The following CACNA1C variants were observed in gnomAD, a reference collection of about 807,000 sequenced individuals.
CACNA1C encodes the protein voltage-dependent L-type calcium channel subunit alpha-1C.
A neutral mutation model predicts 229.0 loss-of-function variants in CACNA1C; 30 were observed. That is an observed-to-expected ratio of 0.13 (90% CI 0.10 to 0.18). The LOEUF is 0.18. Among genes scored for constraint, CACNA1C ranks in the 10% least tolerant of loss-of-function variants. CACNA1C has a pLI of 1.00. For synonymous variants in CACNA1C, 1,114 were observed against 1,132.5 expected, an observed-to-expected ratio of 0.98 and a Z score of 0.33; for missense variants, 1,658 against 2,845.0, an observed-to-expected ratio of 0.58 and a Z score of 9.49.
intron 1 of CACNA1C, among the ~76,000 whole-genome samples, chr12:2,101,779 T>C (rs1221106867): frequency 1.4e-5 from 2 of 146,664 alleles, no homozygotes; most frequent in Non-Finnish European, 3.0e-5. Flanking sequence ...AGAAGGAGGC[T>C]GGGGCCACCG....
intron 9 of CACNA1C, among the ~76,000 whole-genome samples, chr12:2,533,178 C>T (rs767902798): frequency 6.6e-6 from 1 of 152,174 alleles, no homozygotes; most frequent in Non-Finnish European, 1.5e-5. Flanking sequence ...TCATCCCCGT[C>T]TGTTCTTTTT....
intron 3 of CACNA1C, chr12:2,288,884 G>A (rs2093098745): frequency 6.6e-6 from 1 of 152,134 alleles, no homozygotes; most frequent in Admixed American, 6.5e-5. Context: ...TAAATGGTGG[G>A]GCAACACATG....
At chr12:2,581,886 G>A (rs2060606905) in intron 14 of CACNA1C, 89 bp downstream of exon 14, 10 of 790,066 alleles carry the variant, frequency 1.3e-5, no homozygotes, top group Admixed American at 4.2e-5. Flanking sequence ...CCCTTTTACC[G>A]GGCAGCCACA....
intron 3 of CACNA1C, among the ~76,000 whole-genome samples, chr12:2,256,340 TAAAC>T (rs2154396675): frequency 1.3e-5 from 2 of 152,370 alleles, no homozygotes; most frequent in South Asian, 4.1e-4. Context: ...AAAAATGACT[TAAAC>T]ACATAATTGG....
Position 2,437,557 on chromosome 12 carries a change from A to C in CACNA1C, c.478-11419A>C, listed in dbSNP as rs115950142. On this transcript the variant is annotated intron_variant, in intron 3 of 46. Coordinates refer to ENST00000399655, the MANE Select transcript of CACNA1C (RefSeq NM_000719.7). The stretch of plus-strand genomic sequence containing the variant: ...ATATTGGAGATAGTTTTTACCCATC[A>C]TGCAGAGTTACTGTTAGGATTAGAA... Among the ~76,000 whole-genome samples the C allele has an allele frequency of 3.0e-3, 456 of 152,344 alleles. 5 individuals carry two copies. Among genetic ancestry groups the C allele is most frequent in the African/African-American group, 0.01 (436 of 41,576 alleles).
intron 1 of CACNA1C, among the ~76,000 whole-genome samples, chr12:2,060,724 CAG>C (rs1491198268): frequency 1.3e-5 from 2 of 152,294 alleles, no homozygotes; most frequent in African/African-American, 4.8e-5. Context: ...AATTTGCCAA[CAG>C]GGGTTTCTTT....
intron 1 of CACNA1C, among the ~76,000 whole-genome samples, chr12:1,993,952 A>G (rs2040178934): frequency 6.6e-6 from 1 of 152,238 alleles, no homozygotes; most frequent in Non-Finnish European, 1.5e-5. Flanking sequence ...AGAAGTTTAC[A>G]TAACAGTGCA....
intron 1 of CACNA1C, among the ~76,000 whole-genome samples, chr12:2,000,979 G>C (rs1170631785): frequency 6.6e-6 from 1 of 151,314 alleles, no homozygotes; most frequent in Non-Finnish European, 1.5e-5. Context: ...AGAGGTTGCA[G>C]TGAGCCATGG....
intron 3 of CACNA1C, among the ~76,000 whole-genome samples, chr12:2,395,560 G>T (rs527934571): frequency 6.6e-6 from 1 of 152,126 alleles, no homozygotes; most frequent in East Asian, 1.9e-4. Context: ...GACTCAGTGC[G>T]CCCCCAGTGG....
At chr12:2,359,365 G>A (rs2097490692) in intron 3 of CACNA1C, among the ~76,000 whole-genome samples, 1 of 152,192 alleles carries the variant, frequency 6.6e-6, no homozygotes, top group African/African-American at 2.4e-5. Context: ...GCCTATGTGA[G>A]CATCCAGAAA....
intron 3 of CACNA1C, among the ~76,000 whole-genome samples, chr12:2,435,615 A>G (rs2099126902): frequency 6.6e-6 from 1 of 152,190 alleles, no homozygotes; most frequent in Non-Finnish European, 1.5e-5. Flanking sequence ...GCTGGGAGAC[A>G]GGCAGCCTGA....
rs1215984072 is a variant in CACNA1C, at chr12:2,585,909, C to T, written c.2530+5C>T. 6.4e-7 allele frequency: 1 copy of T among 1,571,952 alleles called. No homozygotes were observed. The highest frequency in any genetic ancestry group is 8.7e-7 in the Non-Finnish European group (1 of 1,153,602). On this transcript the variant is annotated splice_donor_5th_base_variant and intron_variant, in intron 18 of 46. Coordinates refer to ENST00000399655, the MANE Select transcript of CACNA1C (RefSeq NM_000719.7). This position sits in a 1 kb window ranked among gnomAD's most constrained non-coding sequence, Gnocchi z 4.1. The stretch of plus-strand genomic sequence containing the variant: ...ACCCCAACCCAGAAACTACAGGTAC[C>T]AGTCCCACTGCCTAACCTGGGATTG...
chr12:2,462,972 G>A (rs1364043318), intron 5 of CACNA1C, among the ~76,000 whole-genome samples: 1 of 149,038 alleles, frequency 6.7e-6, no homozygotes, highest in African/African-American at 2.5e-5. Context: ...GAGTGCAGTG[G>A]TGTGATCTCG....
rs752646195 is a variant in CACNA1C, at chr12:2,666,798, G to T, written c.4623+16G>T. 2.6e-5 allele frequency: 40 copies of T among 1,511,758 alleles called. No homozygotes were observed. Among genetic ancestry groups the T allele is most frequent in the Non-Finnish European group, 9.1e-7 (1 of 1,099,246 alleles). 93.6% of individuals were successfully genotyped at this position (1,511,758 alleles called of 1,614,324 possible). A position where few individuals can be genotyped will look rare whatever the true frequency, so the allele number is the denominator to read the frequency against. The stretch of plus-strand genomic sequence containing the variant: ...GGCTTGCAAAGTAAGAGATAACGGG[G>T]TTCATGGGAGGGAGAGGGAAAATAG... On this transcript the variant is annotated intron_variant, in intron 37 of 46. Coordinates refer to ENST00000399655, the MANE Select transcript of CACNA1C (RefSeq NM_000719.7). The surrounding 1 kb of genome is among the most constrained non-coding windows in gnomAD (Gnocchi z 5.3).
intron 11 of CACNA1C, among the ~76,000 whole-genome samples, chr12:2,563,916 G>A (rs534963551): frequency 1.4e-4 from 21 of 152,220 alleles, no homozygotes; most frequent in Non-Finnish European, 2.9e-4. Context: ...GGAAGGAATA[G>A]GCCATTCACA....
chr12:2,151,979 A>T (rs2095300420), intron 3 of CACNA1C, among the ~76,000 whole-genome samples: 1 of 152,224 alleles, frequency 6.6e-6, no homozygotes, highest in African/African-American at 2.4e-5. Context: ...GATGACTTAC[A>T]GTCAGCCTAT....
intron 22 of CACNA1C, chr12:2,603,584 C>T (rs531203002): frequency 2.0e-5 from 3 of 152,206 alleles, no homozygotes; most frequent in Non-Finnish European, 4.4e-5. Context: ...GTAGGATGGA[C>T]AGCTCCAAAA....
intron 3 of CACNA1C, among the ~76,000 whole-genome samples, chr12:2,210,015 T>G (rs952723295): frequency 1.3e-5 from 2 of 152,118 alleles, no homozygotes; most frequent in Non-Finnish European, 2.9e-5. Context: ...AGAGAGAGAT[T>G]GAAAGAGAGA....
In CACNA1C at chr12:2,174,961, AGAG is replaced by A. The variant is rs1005986876; in HGVS notation, c.477+54545_477+54547del. On this transcript the variant is annotated intron_variant, in intron 3 of 46. Transcript: ENST00000399655. Reference sequence around the variant, plus strand: ...AGCAGACTGAGGAAGAGAAGTAGGAAGAGGAGGAGGAGGAGGGCGGCTAGGTCT... The same window carrying A: ...AGCAGACTGAGGAAGAGAAGTAGGAAGAGGAGGAGGAGGGCGGCTAGGTCT... 2.8e-3 allele frequency among the ~76,000 whole-genome samples: 423 copies of A among 152,212 alleles called. 2 individuals carry two copies. The highest frequency in any genetic ancestry group is 9.6e-3 in the African/African-American group (397 of 41,534).
Sources: allele counts gnomAD v4.1 joint callset (sites outside exome capture counted in the v4.1 genomes callset), GRCh38; gene constraint gnomAD v4.1.1; non-coding constraint Gnocchi (gnomAD v3.1); transcripts MANE v1.5; gene names NCBI Gene and HGNC (gene_info 2026-07-23, HGNC 2026-07-21).